MFHAS1: variants seen among roughly 807,000 people sequenced by gnomAD.
MFHAS1 encodes malignant fibrous histiocytoma-amplified sequence 1.
In MFHAS1, 50 loss-of-function variants were observed where a neutral mutation model predicts 70.4. The observed-to-expected ratio is 0.71, with a 90% CI of 0.57 to 0.90. MFHAS1 has a LOEUF of 0.90. Among genes scored for constraint, MFHAS1 ranks in the 40% least tolerant of loss-of-function variants. MFHAS1 has a pLI of 0.00. For synonymous variants in MFHAS1, 952 were observed against 620.0 expected (o/e 1.54, Z -7.96); for missense variants, 1,795 against 1,347.6 (o/e 1.33, Z -5.20).
At chr8:8,835,017 C>G (rs1323644530) in intron 1 of MFHAS1, among the ~76,000 whole-genome samples, 1 of 152,070 alleles carries the variant, frequency 6.6e-6, no homozygotes, top group African/African-American at 2.4e-5. Context: ...GCACTGTGAA[C>G]CAAGGAAGTT....
chr8:8,868,487 C>T (rs1286603982), intron 1 of MFHAS1, among the ~76,000 whole-genome samples: 2 of 151,214 alleles, frequency 1.3e-5, no homozygotes, highest in African/African-American at 4.9e-5. Context: ...TGGAACCAGC[C>T]CTTGGTAGAC....
intron 1 of MFHAS1, among the ~76,000 whole-genome samples, chr8:8,869,791 A>G (rs769917966): frequency 2.5e-4 from 38 of 152,294 alleles, no homozygotes; most frequent in Non-Finnish European, 4.7e-4. Flanking sequence ...GGATGAGGAA[A>G]CCGGAGCCTG....
chr8:8,833,700 C>T (rs1425756083), intron 1 of MFHAS1, among the ~76,000 whole-genome samples: 1 of 152,150 alleles, frequency 6.6e-6, no homozygotes, highest in East Asian at 1.9e-4. Flanking sequence ...CCTAGCAATT[C>T]TAATCTTAGA....
Position 8,797,008 on chromosome 8 carries a change from CAAA to C in MFHAS1, c.3125+354_3125+356del, listed in dbSNP as rs376726711. Among the ~76,000 whole-genome samples the C allele has an allele frequency of 2.6e-4, 40 of 151,850 alleles. 1 individual carries two copies. Among genetic ancestry groups the C allele is most frequent in the Non-Finnish European group, 5.3e-4 (36 of 67,882 alleles). On this transcript the variant is annotated intron_variant, in intron 2 of 2. Transcript: ENST00000276282. ...GAGACTCCATCTCAAAAAACAACAA[CAAA>C]AAAAATGTTCTTTTTGGTTCCATAT...
Position 8,891,722 on chromosome 8 carries a change from C to T in MFHAS1, c.1337G>A (p.Cys446Tyr), listed in dbSNP as rs146286290. 3.7e-4 allele frequency: 603 copies of T among 1,613,398 alleles called. No individual in the cohort carries two copies. The highest frequency in any genetic ancestry group is 5.0e-4 in the Non-Finnish European group (587 of 1,180,020). Residue 446 changes from cysteine to tyrosine, a missense_variant, in exon 1 of 3, where the codon TGC (cysteine) becomes TAC (tyrosine). Coordinates refer to ENST00000276282, the MANE Select transcript of MFHAS1 (RefSeq NM_004225.3). The surrounding 1 kb of genome is among the most constrained non-coding windows in gnomAD (Gnocchi z 5.4). Reference sequence around the variant, plus strand: ...CACAGGGGGAGGTGACGGTGGGTAGCACTTCTCCTTGTCCCCTCCTCCTGG... The same window carrying T: ...CACAGGGGGAGGTGACGGTGGGTAGTACTTCTCCTTGTCCCCTCCTCCTGG... ...GCPGGGDKEK[C>Y]YPPSPPPVSK...
At chr8:8,805,733 T>C (rs904455005) in intron 1 of MFHAS1, among the ~76,000 whole-genome samples, 1 of 152,222 alleles carries the variant, frequency 6.6e-6, no homozygotes, top group African/African-American at 2.4e-5. Flanking sequence ...AGTCTCACTC[T>C]GTTGCCCAGG....
chr8:8,843,365 C>T (rs546322473), intron 1 of MFHAS1, among the ~76,000 whole-genome samples: 1 of 151,902 alleles, frequency 6.6e-6, no homozygotes, highest in Non-Finnish European at 1.5e-5. Context: ...GGGCAAATCA[C>T]TTGAGGCCAG....
chr8:8,871,344 G>T (rs751281858), intron 1 of MFHAS1, among the ~76,000 whole-genome samples: 8 of 152,188 alleles, frequency 5.3e-5, no homozygotes, highest in Non-Finnish European at 1.2e-4. Context: ...GAGGTCGGGA[G>T]TTTGAGACCA....
chr8:8,882,129 C>T (rs1004461826), intron 1 of MFHAS1, among the ~76,000 whole-genome samples: 1 of 152,094 alleles, frequency 6.6e-6, no homozygotes, highest in African/African-American at 2.4e-5. Context: ...ACCTGTAATC[C>T]CAGCACTCTG....
intron 1 of MFHAS1, among the ~76,000 whole-genome samples, chr8:8,810,948 G>A (rs1806523883): frequency 6.6e-6 from 1 of 152,186 alleles, no homozygotes; most frequent in South Asian, 2.1e-4. Flanking sequence ...AGAGTCCTGG[G>A]AGAGAGGAGA....
At chr8:8,861,161 G>T (rs796503061) in intron 1 of MFHAS1, among the ~76,000 whole-genome samples, 1 of 152,134 alleles carries the variant, frequency 6.6e-6, no homozygotes, top group South Asian at 2.1e-4. Flanking sequence ...AACATCTACC[G>T]AACTGAATTA....
chr8:8,854,965 A>G (rs1362137866), intron 1 of MFHAS1, among the ~76,000 whole-genome samples: 1 of 152,064 alleles, frequency 6.6e-6, no homozygotes. Flanking sequence ...GCTGGAGTGC[A>G]GTGATACTAT....
intron 2 of MFHAS1, 36 bp from the exon 3 acceptor site, chr8:8,786,091 CA>C (rs1805532851): frequency 6.3e-7 from 1 of 1,579,072 alleles, no homozygotes; most frequent in Non-Finnish European, 8.7e-7. Flanking sequence ...ACAGAGATGA[CA>C]AAAACGTACT....
In MFHAS1 at chr8:8,890,665, C is replaced by T; in HGVS notation, c.2394G>A (p.Leu798=). 6.2e-7 allele frequency: 1 copy of T among 1,613,440 alleles called. No individual in the cohort carries two copies. The highest frequency in any genetic ancestry group is 8.5e-7 in the Non-Finnish European group (1 of 1,179,580). ...GCAGCAACCGAATGACATGAGCTGG[C>T]AAGAGCCCATGCAACAGAAAGCCCT... ...YVEGFLLHGL[L]PAHVIRLLLK... is the part of the protein sequence containing the mutation. Residue 798 remains leucine, a synonymous_variant, in exon 1 of 3, where the codon TTG becomes TTA. Coordinates refer to ENST00000276282, the MANE Select transcript of MFHAS1 (RefSeq NM_004225.3).
At chr8:8,793,883 T>C (rs1805802297) in intron 2 of MFHAS1, among the ~76,000 whole-genome samples, 1 of 152,084 alleles carries the variant, frequency 6.6e-6, no homozygotes, top group African/African-American at 2.4e-5. Flanking sequence ...ACTTAACAGG[T>C]CTGATTAAGA....
intron 1 of MFHAS1, among the ~76,000 whole-genome samples, chr8:8,818,598 T>TA (rs1301747080): frequency 6.6e-6 from 1 of 152,246 alleles, no homozygotes; most frequent in Non-Finnish European, 1.5e-5. Context: ...ATGGACCTTA[T>TA]AGGAACACTA....
chr8:8,790,876 A>G (rs1805697535), intron 2 of MFHAS1, among the ~76,000 whole-genome samples: 1 of 152,220 alleles, frequency 6.6e-6, no homozygotes. Context: ...TGTCAAAACG[A>G]TGTTACTGCC....
At chr8:8,796,692 A>AC (rs1468243902) in intron 2 of MFHAS1, among the ~76,000 whole-genome samples, 4 of 133,614 alleles carry the variant, frequency 3.0e-5, no homozygotes, top group Non-Finnish European at 4.8e-5. Flanking sequence ...TCAAAACAAA[A>AC]AAAAAAAAAA....
intron 2 of MFHAS1, among the ~76,000 whole-genome samples, chr8:8,786,360 A>G (rs1011976175): frequency 2.0e-5 from 3 of 152,170 alleles, no homozygotes; most frequent in Non-Finnish European, 4.4e-5. Flanking sequence ...GCTTAACTAG[A>G]CCTCTAACTA....
Sources: allele counts gnomAD v4.1 joint callset (sites outside exome capture counted in the v4.1 genomes callset), GRCh38; gene constraint gnomAD v4.1.1; non-coding constraint Gnocchi (gnomAD v3.1); transcripts MANE v1.5; gene names NCBI Gene and HGNC (gene_info 2026-07-23, HGNC 2026-07-21).